Variants in ITPR2 observed in about 807,000 individuals in gnomAD.
The protein encoded by ITPR2 is inositol 1,4,5-trisphosphate receptor type 2.
ITPR2 carries 207 observed loss-of-function variants against 317.1 expected under a neutral mutation model. The observed-to-expected ratio is 0.65, with a 90% CI of 0.58 to 0.73. The LOEUF (loss-of-function observed/expected upper bound fraction) is 0.73, where lower values mean the gene tolerates loss of function less well. ITPR2 is among the 30% of genes least tolerant of loss of function. ITPR2 has a pLI of 0.00. For missense variants in ITPR2, 2,613 were observed against 3,284.0 expected (o/e 0.80, Z 4.99); for synonymous variants, 1,156 against 1,149.1 (o/e 1.01, Z -0.12).
intron 55 of ITPR2, among the ~76,000 whole-genome samples, chr12:26,365,495 C>A (rs1938981510): frequency 6.6e-6 from 1 of 151,978 alleles, no homozygotes; most frequent in Non-Finnish European, 1.5e-5. Flanking sequence ...ACACATGACA[C>A]CCTAGAAATG....
chr12:26,797,997 G>T (rs1220998881), intron 1 of ITPR2, among the ~76,000 whole-genome samples: 2 of 151,930 alleles, frequency 1.3e-5, no homozygotes, highest in African/African-American at 4.8e-5. Context: ...CAGCAGAATT[G>T]TCTTTAAAAG....
At position 26,578,726 on chromosome 12, in the gene ITPR2, A is replaced by G. The variant is rs773641365; in HGVS notation, c.4617T>C (p.Thr1539=). ...ACTATGACTTACCCACTTCAGCCAA[A>G]GTTCTGATACAGGATTCCACTGAGG... ...QKASVESCIR[T]LAEVAKNRGI... The change falls in exon 34 of 57, where the codon ACT becomes ACC. Residue 1539 remains threonine, a synonymous_variant. Coordinates refer to ENST00000381340, the MANE Select transcript of ITPR2 (RefSeq NM_002223.4). 9 of 1,601,300 alleles carry G rather than the reference A, an allele frequency of 5.6e-6. No homozygotes were observed. In the East Asian group the frequency reaches 2.0e-4, roughly 36 times the overall value.
At chr12:26,754,947 A>G (rs1162831261) in intron 2 of ITPR2, among the ~76,000 whole-genome samples, 1 of 152,224 alleles carries the variant, frequency 6.6e-6, no homozygotes, top group Non-Finnish European at 1.5e-5. Context: ...TGGGTTTAAC[A>G]TCAGTAGTGC....
chr12:26,495,289 G>GTTC (rs1243927636), intron 37 of ITPR2, 29 bp from the exon 38 acceptor site: 1 of 1,244,832 alleles, frequency 8.0e-7, no homozygotes, highest in Non-Finnish European at 1.2e-6. Flanking sequence ...AAGAGTTACT[G>GTTC]TTCCCTTTTC....
At chr12:26,645,128 C>G (rs1039908748) in intron 21 of ITPR2, among the ~76,000 whole-genome samples, 1 of 152,134 alleles carries the variant, frequency 6.6e-6, no homozygotes, top group Admixed American at 6.5e-5. Flanking sequence ...ATCCTAAGAG[C>G]TCTCCCTAAT....
At chr12:26,662,327 A>G (rs1341206574) in intron 15 of ITPR2, among the ~76,000 whole-genome samples, 1 of 152,204 alleles carries the variant, frequency 6.6e-6, no homozygotes, top group Non-Finnish European at 1.5e-5. Context: ...CTGTGCCTCT[A>G]TCCTTCATCT....
chr12:26,415,219 G>A lies in ITPR2; in HGVS notation c.7306+84C>T, dbSNP rs192244906. On this transcript the variant is annotated intron_variant, in intron 51 of 56. Coordinates refer to ENST00000381340, the MANE Select transcript of ITPR2 (RefSeq NM_002223.4). The stretch of plus-strand genomic sequence containing the variant: ...ATAAAAGAAAACATTTCCTCTATTC[G>A]TGTTTATCTATGATCCTGTTAACAA... The A allele has an allele frequency of 9.9e-5, 85 of 857,262 alleles. No individual in the cohort carries two copies. In the African/African-American group the frequency reaches 1.1e-3, roughly 11 times the overall value. 53.1% of individuals were successfully genotyped at this position (857,262 alleles called of 1,614,324 possible).
At chr12:26,754,480 A>G (rs1255407577) in intron 2 of ITPR2, among the ~76,000 whole-genome samples, 1 of 152,264 alleles carries the variant, frequency 6.6e-6, no homozygotes, top group Admixed American at 6.5e-5. Flanking sequence ...AAAGTTGCTA[A>G]GAGTTAACAT....
Position 26,596,961 on chromosome 12 carries a change from G to A in ITPR2, c.4176C>T (p.Tyr1392=). The A allele has an allele frequency of 6.2e-7, 1 of 1,612,170 alleles. No homozygotes were observed. Among genetic ancestry groups the A allele is most frequent in the Non-Finnish European group, 8.5e-7 (1 of 1,178,996 alleles). Reference sequence around the variant, plus strand: ...GAAGGGAATTACACTTGATTTCAGTGTAGACATTTTTCCCCTCTGTGCATG... The same window carrying A: ...GAAGGGAATTACACTTGATTTCAGTATAGACATTTTTCCCCTCTGTGCATG... ...LAACTEGKNV[Y]TEIKCNSLLP... Residue 1392 remains tyrosine (Y), a synonymous_variant, in exon 31 of 57, where the codon TAC becomes TAT. Transcript: ENST00000381340.
At chr12:26,661,750 A>T (rs919733903) in intron 15 of ITPR2, among the ~76,000 whole-genome samples, 11 of 152,192 alleles carry the variant, frequency 7.2e-5, no homozygotes, top group Non-Finnish European at 2.9e-5. Flanking sequence ...AAACCAGAGC[A>T]AGGAGAAAAC....
chr12:26,739,275 T>A (rs1949188601), intron 2 of ITPR2, among the ~76,000 whole-genome samples: 2 of 152,214 alleles, frequency 1.3e-5, no homozygotes, highest in Non-Finnish European at 2.9e-5. Context: ...AAGATACTTA[T>A]TATATGATCC....
At chr12:26,632,581 CTTTAT>C (rs1337810877) in intron 21 of ITPR2, among the ~76,000 whole-genome samples, 2 of 152,102 alleles carry the variant, frequency 1.3e-5, no homozygotes, top group East Asian at 3.9e-4. Flanking sequence ...GGACTGTTAC[CTTTAT>C]TTTAAGAAAA....
intron 2 of ITPR2, among the ~76,000 whole-genome samples, chr12:26,736,644 C>T (rs1949122883): frequency 2.0e-5 from 3 of 152,134 alleles, no homozygotes. Context: ...TTAGCCACGT[C>T]CCCCTTTCAC....
chr12:26,645,641 C>T (rs1482547764), intron 21 of ITPR2, among the ~76,000 whole-genome samples: 2 of 152,186 alleles, frequency 1.3e-5, no homozygotes, highest in Non-Finnish European at 1.5e-5. Flanking sequence ...GTCCAGAAAT[C>T]GAGTTTTTCA....
intron 34 of ITPR2, among the ~76,000 whole-genome samples, chr12:26,565,484 T>TGATAGATA (rs75320702): frequency 0.029 from 3,987 of 138,790 alleles, 115 homozygotes; most frequent in African/African-American, 0.059. Flanking sequence ...GATAGACAGA[T>TGATAGATA]GATAGATAGA....
chr12:26,832,308 A>T (rs1951125302), intron 1 of ITPR2, among the ~76,000 whole-genome samples: 1 of 152,238 alleles, frequency 6.6e-6, no homozygotes, highest in Admixed American at 6.5e-5. Context: ...TGAGGACGGT[A>T]GCGAGAAACG....
chr12:26,585,145 T>C (rs900014517), intron 32 of ITPR2, among the ~76,000 whole-genome samples: 16 of 152,166 alleles, frequency 1.1e-4, no homozygotes, highest in African/African-American at 3.6e-4. Flanking sequence ...TATAATCCTA[T>C]AATTCAGATA....
intron 55 of ITPR2, among the ~76,000 whole-genome samples, chr12:26,353,845 T>TAC (rs71906542): frequency 0.028 from 4,303 of 151,528 alleles, 88 homozygotes; most frequent in Middle Eastern, 0.048. Flanking sequence ...AGGAAAACTA[T>TAC]ACACACACAC....
intron 26 of ITPR2, among the ~76,000 whole-genome samples, chr12:26,604,122 TAATAAACATC>T (rs529955249): frequency 1.3e-3 from 203 of 152,256 alleles, no homozygotes; most frequent in Non-Finnish European, 2.6e-3. Flanking sequence ...ATCACAAAAT[TAATAAACATC>T]AAGAAAGAAA....
Sources: gnomAD v4.1 joint callset for allele counts (sites outside exome capture counted in the v4.1 genomes callset) on GRCh38, gnomAD v4.1.1 for gene constraint, MANE v1.5 for transcripts, NCBI Gene and HGNC (gene_info 2026-07-23, HGNC 2026-07-21) for gene names.